SPICE1: variants seen among roughly 807,000 people sequenced by gnomAD.
SPICE1 encodes spindle and centriole-associated protein 1.
In SPICE1, 75 loss-of-function variants were observed where a neutral mutation model predicts 102.7. That is an observed-to-expected ratio of 0.73 (90% CI 0.61 to 0.88). The LOEUF is 0.88. Among genes scored for constraint, SPICE1 ranks in the 40% least tolerant of loss-of-function variants. The pLI is 0.00. For synonymous variants in SPICE1, 308 were observed against 350.3 expected, an observed-to-expected ratio of 0.88 and a Z score of 1.35; for missense variants, 979 against 1,020.1, an observed-to-expected ratio of 0.96 and a Z score of 0.55.
intron 1 of SPICE1, among the ~76,000 whole-genome samples, chr3:113,508,203 G>A (rs2399479): frequency 0.19 from 29,405 of 151,982 alleles, 2,977 homozygotes; most frequent in African/African-American, 0.25. Flanking sequence ...GTAAATCTTC[G>A]TGAGCCGTGG....
At chr3:113,474,702 T>A (rs905550547) in intron 7 of SPICE1, among the ~76,000 whole-genome samples, 3 of 152,002 alleles carry the variant, frequency 2.0e-5, no homozygotes, top group East Asian at 1.9e-4. Flanking sequence ...GGTACATAAA[T>A]AAATGAAGGC....
At chr3:113,483,770 T>G (rs1361864375) in intron 7 of SPICE1, among the ~76,000 whole-genome samples, 1 of 152,234 alleles carries the variant, frequency 6.6e-6, no homozygotes, top group Non-Finnish European at 1.5e-5. Context: ...GCTGCTGGAT[T>G]CCATTTGCCA....
chr3:113,452,821 T>C (rs976050184), intron 14 of SPICE1, among the ~76,000 whole-genome samples: 7 of 151,752 alleles, frequency 4.6e-5, no homozygotes, highest in African/African-American at 1.7e-4. Flanking sequence ...CTACTAAAAA[T>C]ACAAAAATTA....
At position 113,499,547 on chromosome 3, in the gene SPICE1, T is replaced by C. The variant is rs993598365; in HGVS notation, c.183A>G (p.Arg61=). The change falls in exon 4 of 18, where the codon AGA becomes AGG. Residue 61 remains arginine (R), a synonymous_variant. Coordinates refer to ENST00000295872, the MANE Select transcript of SPICE1 (RefSeq NM_144718.4). ...CTTGGAGTTCCCAGTGTACTAATGC[T>C]CTATTCTTCGATTTGTGTATTTCAT... ...RRHEIHKSKN[R]ALVHWELQEK... is the part of the protein sequence containing the mutation. The C allele has an allele frequency of 6.2e-7, 1 of 1,611,920 alleles. No individual in the cohort carries two copies.
chr3:113,465,435 T>C (rs9836396), intron 11 of SPICE1, among the ~76,000 whole-genome samples: 34,217 of 152,170 alleles, frequency 0.22, 4,422 homozygotes, highest in African/African-American at 0.36. Context: ...AGTAAGTCTC[T>C]TGAAGACAGG....
intron 7 of SPICE1, among the ~76,000 whole-genome samples, chr3:113,470,906 C>T (rs1420144924): frequency 6.6e-6 from 1 of 152,142 alleles, no homozygotes; most frequent in African/African-American, 2.4e-5. Context: ...TATGTCTGTC[C>T]CATCATGGTA....
At chr3:113,489,689 A>T (rs1248870936) in intron 6 of SPICE1, among the ~76,000 whole-genome samples, 3 of 151,962 alleles carry the variant, frequency 2.0e-5, no homozygotes, top group Non-Finnish European at 4.4e-5. Context: ...CTACAAAAAA[A>T]TTTAAAAATT....
intron 1 of SPICE1, among the ~76,000 whole-genome samples, chr3:113,507,297 A>G (rs1937131007): frequency 6.6e-6 from 1 of 152,140 alleles, no homozygotes; most frequent in African/African-American, 2.4e-5. Flanking sequence ...ACCAAATTAG[A>G]AAAAGACCCA....
At chr3:113,465,963 C>A (rs1273197335) in intron 10 of SPICE1, among the ~76,000 whole-genome samples, 179 bp from the exon 11 acceptor site, 7 of 152,078 alleles carry the variant, frequency 4.6e-5, no homozygotes, top group Non-Finnish European at 8.8e-5. Context: ...GCTTCTTTAT[C>A]CTCTTCCCTT....
chr3:113,494,045 A>G lies in SPICE1; in HGVS notation c.385+4T>C, dbSNP rs780223693. On this transcript the variant is annotated splice_donor_region_variant and intron_variant, in intron 5 of 17. Coordinates refer to ENST00000295872, the MANE Select transcript of SPICE1 (RefSeq NM_144718.4). ...ATAGAGAAGCTTTTGTTTGAATTGAATACCTGTGCGCCTACGAGGAAACAG... is the reference window on the plus strand; with the variant it reads ...ATAGAGAAGCTTTTGTTTGAATTGAGTACCTGTGCGCCTACGAGGAAACAG... The G allele has an allele frequency of 1.3e-6, 2 of 1,594,414 alleles. No individual in the cohort carries two copies. Among genetic ancestry groups the G allele is most frequent in the Admixed American group, 1.8e-5 (1 of 56,532 alleles).
chr3:113,496,059 C>CT lies in SPICE1; in HGVS notation c.292-1918dup, dbSNP rs10557473. ...ACATTATGAGATTTTTTTTTTACAACTTTTTTTTTTTTTTTTTTTTTTTTA... is the reference window on the plus strand; with the variant it reads ...ACATTATGAGATTTTTTTTTTACAACTTTTTTTTTTTTTTTTTTTTTTTTTA... On this transcript the variant is annotated intron_variant, in intron 4 of 17. Coordinates refer to ENST00000295872, the MANE Select transcript of SPICE1 (RefSeq NM_144718.4). Among the ~76,000 whole-genome samples the CT allele has an allele frequency of 7.9e-3, 652 of 82,906 alleles. 9 individuals are homozygous for CT. Among genetic ancestry groups the CT allele is most frequent in the Middle Eastern group, 0.018 (3 of 168 alleles). 54.4% of individuals were successfully genotyped at this position (82,906 alleles called of 152,430 possible).
chr3:113,502,411 G>A (rs9874747), intron 3 of SPICE1, among the ~76,000 whole-genome samples: 38,079 of 151,962 alleles, frequency 0.25, 5,121 homozygotes, highest in African/African-American at 0.35. Context: ...GTTGTATTCC[G>A]CATATATCAA....
intron 12 of SPICE1, among the ~76,000 whole-genome samples, chr3:113,457,890 T>C (rs555731705): frequency 4.6e-5 from 7 of 152,158 alleles, no homozygotes; most frequent in Non-Finnish European, 1.0e-4. Context: ...TTTTTCATTA[T>C]TTGTTATGGA....
rs746602504 is a variant in SPICE1 at position 113,503,156 on chromosome 3, CT to C, written c.147+23del. 4.4e-6 allele frequency: 7 copies of C among 1,602,640 alleles called. No homozygotes were observed. The East Asian group carries it at 1.6e-4, about 36-fold the overall frequency. On this transcript the variant is annotated intron_variant, in intron 3 of 17. Transcript: ENST00000295872. ...ACCAAATAAAACACTGAATAAATGACTTAAGTTTTGATATTAAACTCACCAG... is the reference window on the plus strand; with the variant it reads ...ACCAAATAAAACACTGAATAAATGACTAAGTTTTGATATTAAACTCACCAG...
Position 113,489,023 on chromosome 3 carries a change from T to C in SPICE1, c.533A>G (p.Asn178Ser). ...ATTCTCACTTTCTCCTGACTGGCTATTAACAGTTCCTTCTTCTTCACCATC... is the reference window on the plus strand; with the variant it reads ...ATTCTCACTTTCTCCTGACTGGCTACTAACAGTTCCTTCTTCTTCACCATC... Reference protein sequence around the residue: ...DVDGEEEGTVNSQSGESENEN... With the variant: ...DVDGEEEGTVSSQSGESENEN... Residue 178 changes from asparagine (N) to serine (S), a missense_variant, in exon 7 of 18, where the codon AAT (asparagine) becomes AGT (serine). By Grantham distance (46) the Asn-to-Ser change is conservative. Coordinates refer to ENST00000295872, the MANE Select transcript of SPICE1 (RefSeq NM_144718.4). 1 of 1,613,686 alleles carries C rather than the reference T, an allele frequency of 6.2e-7. No homozygotes were observed. The highest frequency in any genetic ancestry group is 8.5e-7 in the Non-Finnish European group (1 of 1,179,708).
intron 7 of SPICE1, among the ~76,000 whole-genome samples, chr3:113,481,413 T>C (rs1936499197): frequency 6.6e-6 from 1 of 150,940 alleles, no homozygotes; most frequent in African/African-American, 2.4e-5. Context: ...TTTTTTTTTC[T>C]AGTTTTTTTT....
At chr3:113,481,416 T>G (rs568133378) in intron 7 of SPICE1, among the ~76,000 whole-genome samples, 21 of 146,606 alleles carry the variant, frequency 1.4e-4, no homozygotes, top group African/African-American at 5.2e-4. Flanking sequence ...TTTTTTCTAG[T>G]TTTTTTTTTA....
At chr3:113,456,779 C>T (rs1935788597) in intron 13 of SPICE1, among the ~76,000 whole-genome samples, 1 of 152,132 alleles carries the variant, frequency 6.6e-6, no homozygotes, top group Non-Finnish European at 1.5e-5. Flanking sequence ...CTTAGTCTAA[C>T]TTTCATTACT....
chr3:113,457,743 C>T (rs944110638), intron 12 of SPICE1, among the ~76,000 whole-genome samples: 6 of 152,298 alleles, frequency 3.9e-5, no homozygotes, highest in African/African-American at 1.4e-4. Flanking sequence ...ACTGAAGCCT[C>T]GACCTCCCAG....
Sources: allele counts gnomAD v4.1 joint callset (sites outside exome capture counted in the v4.1 genomes callset), GRCh38; gene constraint gnomAD v4.1.1; transcripts MANE v1.5; gene names NCBI Gene and HGNC (gene_info 2026-07-23, HGNC 2026-07-21).